ADCY9: variants seen among roughly 807,000 people sequenced by gnomAD.
ADCY9 encodes the protein adenylate cyclase type 9.
Under a neutral mutation model 101.5 loss-of-function variants are expected in ADCY9, and 50 were observed. That is an observed-to-expected ratio of 0.49 (90% CI 0.39 to 0.62). The LOEUF (loss-of-function observed/expected upper bound fraction) is 0.62, where lower values mean the gene tolerates loss of function less well. ADCY9 is among the 20% of genes least tolerant of loss of function. The pLI is 0.00. For missense variants in ADCY9, 1,662 were observed against 1,800.4 expected, an observed-to-expected ratio of 0.92 and a Z score of 1.39; for synonymous variants, 905 against 769.3, an observed-to-expected ratio of 1.18 and a Z score of -2.92.
chr16:4,058,552 A>G (rs1264447632), intron 2 of ADCY9, among the ~76,000 whole-genome samples: 4 of 152,096 alleles, frequency 2.6e-5, no homozygotes, highest in African/African-American at 9.7e-5. Flanking sequence ...CCCATGCTAC[A>G]CTGACTCTTG....
At position 3,992,047 on chromosome 16, in the gene ADCY9, G is replaced by C; in HGVS notation, c.2207+99C>G. 8.2e-7 allele frequency: 1 copy of C among 1,222,582 alleles called. No homozygotes were observed. The highest frequency in any genetic ancestry group is 1.2e-6 in the Non-Finnish European group (1 of 866,702). The allele number at this position is 1,222,582 out of a possible 1,614,324, so 75.7% of individuals were successfully genotyped here. On this transcript the variant is annotated intron_variant, in intron 5 of 10. Coordinates refer to ENST00000294016, the MANE Select transcript of ADCY9 (RefSeq NM_001116.4). The surrounding 1 kb of genome is among the most constrained non-coding windows in gnomAD (Gnocchi z 4.2). ...GATCGCGCCACTGCACTGCAGCCTG[G>C]ATGACAGAGCGAGACTCAGTCTTAA...
At chr16:4,070,481 G>T (rs2141168790) in intron 2 of ADCY9, among the ~76,000 whole-genome samples, 1 of 152,202 alleles carries the variant, frequency 6.6e-6, no homozygotes, top group Non-Finnish European at 1.5e-5. Flanking sequence ...TAACCAAGTA[G>T]AAGTTATTTT....
intron 2 of ADCY9, among the ~76,000 whole-genome samples, chr16:4,039,758 G>C (rs2056614446): frequency 6.6e-6 from 1 of 151,762 alleles, no homozygotes; most frequent in Non-Finnish European, 1.5e-5. Context: ...AACAATTGAG[G>C]TCAGGTGCAG....
intron 3 of ADCY9, among the ~76,000 whole-genome samples, chr16:4,003,013 G>T (rs1346451678): frequency 6.6e-6 from 1 of 152,194 alleles, no homozygotes; most frequent in Non-Finnish European, 1.5e-5. Context: ...ACTGAGCCCA[G>T]TTGGGTTTTC....
intron 2 of ADCY9, among the ~76,000 whole-genome samples, chr16:4,063,586 C>A (rs1315162566): frequency 6.6e-6 from 1 of 151,872 alleles, no homozygotes; most frequent in Non-Finnish European, 1.5e-5. Context: ...ATGGTACACA[C>A]CTGTAGCCTC....
intron 10 of ADCY9, among the ~76,000 whole-genome samples, chr16:3,969,569 AATATATATAT>A (rs57260468): frequency 0.09 from 4,076 of 45,146 alleles, 372 homozygotes; most frequent in Middle Eastern, 0.23. Flanking sequence ...GTTTGTTTGA[AATATATATAT>A]ATATATATAT....
rs769603116 is a variant in ADCY9, at chr16:4,115,379, T to A, written c.64A>T (p.Ser22Cys). 16 of 1,603,146 alleles carry A rather than the reference T, an allele frequency of 1.0e-5. No individual in the cohort carries two copies. The highest frequency in any genetic ancestry group is 6.9e-5 in the Admixed American group (4 of 58,216). ...HHSTEVSCDSSGDSNSVRVKI... is the reference protein window; with the variant it reads ...HHSTEVSCDSCGDSNSVRVKI... ...ACGCGCACGCTGTTGCTGTCCCCGC[T>A]GGAGTCGCAGCTCACCTCGGTGCTG... is the stretch of plus-strand genomic sequence containing the variant. The change falls in exon 2 of 11, where the codon AGC becomes TGC. Residue 22 changes from serine to cysteine, a missense_variant. By Grantham distance (112) the Ser-to-Cys change is moderately radical (BLOSUM62 -1). Around this residue, in one of 5 missense-constraint regions of ADCY9, gnomAD observed 422 missense variants for 392.0 expected, o/e 1.08. Transcript: ENST00000294016. This position sits in a 1 kb window ranked among gnomAD's most constrained non-coding sequence, Gnocchi z 6.2.
intron 2 of ADCY9, among the ~76,000 whole-genome samples, chr16:4,097,682 G>C (rs1372097417): frequency 6.7e-6 from 1 of 150,294 alleles, no homozygotes; most frequent in Non-Finnish European, 1.5e-5. Context: ...GAGTAGCTGG[G>C]ATTACAGGTG....
chr16:4,021,296 G>A (rs1007772591), intron 2 of ADCY9, among the ~76,000 whole-genome samples: 16 of 152,184 alleles, frequency 1.1e-4, no homozygotes, highest in African/African-American at 3.9e-4. Flanking sequence ...GGCAGAGACA[G>A]ACAAGGCCAC....
At chr16:4,073,079 T>C (rs2056845114) in intron 2 of ADCY9, among the ~76,000 whole-genome samples, 1 of 151,822 alleles carries the variant, frequency 6.6e-6, no homozygotes. Flanking sequence ...ATCTCCTTGG[T>C]ATGAAATTTT....
intron 3 of ADCY9, among the ~76,000 whole-genome samples, chr16:3,997,746 C>T (rs2056298693): frequency 6.6e-6 from 1 of 152,152 alleles, no homozygotes; most frequent in African/African-American, 2.4e-5. Flanking sequence ...GTGGCATGGT[C>T]CCACAGACCT....
chr16:4,035,634 C>G lies in ADCY9; in HGVS notation c.1694-28076G>C, dbSNP rs143848064. Among the ~76,000 whole-genome samples, 298 of 152,270 alleles carry G rather than the reference C, an allele frequency of 2.0e-3. 1 individual carries two copies. Among genetic ancestry groups the G allele is most frequent in the African/African-American group, 6.9e-3 (285 of 41,546 alleles). On this transcript the variant is annotated intron_variant, in intron 2 of 10. Coordinates refer to ENST00000294016, the MANE Select transcript of ADCY9 (RefSeq NM_001116.4). The stretch of plus-strand genomic sequence containing the variant: ...TCTTGGTTTCAGGGAATCCTCACTT[C>G]TTTCTTCCTTCTCAGGGAAATTTCG...
At chr16:3,987,173 G>A (rs1338857725) in intron 6 of ADCY9, among the ~76,000 whole-genome samples, 1 of 152,220 alleles carries the variant, frequency 6.6e-6, no homozygotes, top group Non-Finnish European at 1.5e-5. Flanking sequence ...GGAGCCCCCA[G>A]CCTGGGCTTG....
intron 3 of ADCY9, among the ~76,000 whole-genome samples, chr16:3,993,865 C>T (rs911878627): frequency 2.0e-5 from 3 of 152,072 alleles, no homozygotes; most frequent in Non-Finnish European, 2.9e-5. Flanking sequence ...ACATTATGCT[C>T]GGGGAGGGAA....
At chr16:3,976,060 C>T (rs549408869) in intron 9 of ADCY9, among the ~76,000 whole-genome samples, 19 of 152,134 alleles carry the variant, frequency 1.2e-4, no homozygotes, top group African/African-American at 4.3e-4. Context: ...GGCGCGATCT[C>T]GGTTCACTGC....
Position 3,966,788 on chromosome 16 carries a change from G to A in ADCY9, c.3049C>T (p.His1017Tyr), listed in dbSNP as rs954982548. 6.2e-7 allele frequency: 1 copy of A among 1,614,130 alleles called. No individual in the cohort carries two copies. Among genetic ancestry groups the A allele is most frequent in the African/African-American group, 1.3e-5 (1 of 74,950 alleles). The change falls in exon 11 of 11, where the codon CAC becomes TAC. Residue 1017 changes from histidine to tyrosine, a missense_variant. Coordinates refer to ENST00000294016, the MANE Select transcript of ADCY9 (RefSeq NM_001116.4). Reference sequence around the variant, plus strand: ...CGCATGCTCTGGATCTTGGTGCGGTGAAGATCCGCTTCCACGTCTCCGTGG... The same window carrying A: ...CGCATGCTCTGGATCTTGGTGCGGTAAAGATCCGCTTCCACGTCTCCGTGG... ...HYHGDVEADL[H>Y]RTKIQSMRDQ...
At chr16:4,077,933 A>G (rs1354285686) in intron 2 of ADCY9, among the ~76,000 whole-genome samples, 1 of 151,382 alleles carries the variant, frequency 6.6e-6, no homozygotes, top group Admixed American at 6.6e-5. Context: ...CAGGAGGCAG[A>G]GGTGGTAGTG....
chr16:4,083,657 T>C (rs998656388), intron 2 of ADCY9, among the ~76,000 whole-genome samples: 5 of 152,120 alleles, frequency 3.3e-5, no homozygotes, highest in Non-Finnish European at 7.3e-5. Flanking sequence ...CAAAACGCAA[T>C]GGAATATTAT....
chr16:3,968,844 C>CT lies in ADCY9; in HGVS notation c.2871-1879dup, dbSNP rs372064528. Among the ~76,000 whole-genome samples the CT allele has an allele frequency of 1.9e-3, 283 of 149,384 alleles. 2 individuals carry two copies. The Middle Eastern group carries it at 0.028, about 15-fold the overall frequency. On this transcript the variant is annotated intron_variant, in intron 10 of 10. Transcript: ENST00000294016. ...CTAAACAAGGCTGAACCAGTTTCTG[C>CT]TTTTTTTTTTCTTTTTTTTGAGAAG...
Sources: gnomAD v4.1 joint callset for allele counts (sites outside exome capture counted in the v4.1 genomes callset) on GRCh38, gnomAD v4.1.1 for gene constraint, gnomAD v4.1.1 regional missense constraint, Gnocchi (gnomAD v3.1) non-coding constraint, MANE v1.5 for transcripts, NCBI Gene and HGNC (gene_info 2026-07-23, HGNC 2026-07-21) for gene names.